The following MAP6 variants were observed in gnomAD, a reference collection of about 807,000 sequenced individuals.
MAP6 encodes the protein microtubule associated protein 6.
In MAP6, 26 loss-of-function variants were observed where a neutral mutation model predicts 42.4. The observed-to-expected ratio is 0.61, with a 90% CI of 0.45 to 0.85. MAP6 has a LOEUF of 0.85. Ranked by LOEUF, MAP6 falls within the 40% of genes least tolerant of loss-of-function variation. MAP6 has a pLI of 0.00. For synonymous variants in MAP6, 418 were observed against 443.8 expected, an observed-to-expected ratio of 0.94 and a Z score of 0.73; for missense variants, 966 against 1,099.0, an observed-to-expected ratio of 0.88 and a Z score of 1.71.
intron 1 of MAP6, among the ~76,000 whole-genome samples, chr11:75,666,033 T>A (rs992299881): frequency 6.6e-6 from 1 of 152,180 alleles, no homozygotes. Flanking sequence ...GAGAAGGATA[T>A]TAGTCTAACC....
chr11:75,655,165 T>G (rs76611405), intron 1 of MAP6, among the ~76,000 whole-genome samples: 2,256 of 152,360 alleles, frequency 0.015, 67 homozygotes, highest in East Asian at 0.13. Flanking sequence ...GCTCTTAAGA[T>G]GTTACATTGA....
intron 1 of MAP6, among the ~76,000 whole-genome samples, chr11:75,609,185 T>C (rs1942839931): frequency 6.6e-6 from 1 of 152,226 alleles, no homozygotes; most frequent in Non-Finnish European, 1.5e-5. Context: ...GGAGAGTAGA[T>C]GGCTGACAAT....
chr11:75,607,616 C>T, intron 2 of MAP6: 3 of 985,146 alleles, frequency 3.0e-6, no homozygotes, highest in Non-Finnish European at 3.6e-6. Context: ...TGGTGTTTAG[C>T]CCGAGAAGAT....
rs1943999677 is a variant in MAP6 at position 75,668,221 on chromosome 11, T to TGCG, written c.146_148dup (p.Pro49dup). ...CGCGAGCGCCGGCTGCGCCTGCTGC[T>TGCG]GCGGCGGCGGTGGCTGCGGCGGGGC... On this transcript the variant is annotated inframe_insertion, in exon 1 of 4. Transcript: ENST00000304771. 1.5e-6 allele frequency: 2 copies of TGCG among 1,373,654 alleles called. No homozygotes were observed. The highest frequency in any genetic ancestry group is 5.8e-5 in the East Asian group (2 of 34,520). The allele number at this position is 1,373,654 out of a possible 1,614,324, so 85.1% of individuals were successfully genotyped here. A position where few individuals can be genotyped will look rare whatever the true frequency, so the allele number is the denominator to read the frequency against.
intron 1 of MAP6, among the ~76,000 whole-genome samples, chr11:75,633,551 C>T (rs1943317820): frequency 6.6e-6 from 1 of 152,120 alleles, no homozygotes; most frequent in Non-Finnish European, 1.5e-5. Flanking sequence ...GGACCATAAG[C>T]CAATAAGCTG....
chr11:75,613,869 G>A (rs1342429679), intron 1 of MAP6, among the ~76,000 whole-genome samples: 2 of 152,222 alleles, frequency 1.3e-5, no homozygotes, highest in Non-Finnish European at 2.9e-5. Flanking sequence ...GGCCCAGTTT[G>A]AGCCATCTCA....
At chr11:75,611,682 C>T (rs1312642442) in intron 1 of MAP6, among the ~76,000 whole-genome samples, 1 of 152,198 alleles carries the variant, frequency 6.6e-6, no homozygotes, top group African/African-American at 2.4e-5. Flanking sequence ...AAAACCTTCT[C>T]TAATCACATA....
At chr11:75,636,757 TC>T (rs1458003026) in intron 1 of MAP6, among the ~76,000 whole-genome samples, 1 of 152,062 alleles carries the variant, frequency 6.6e-6, no homozygotes, top group East Asian at 1.9e-4. Context: ...AATTAGCCAA[TC>T]CTAAGCCCAC....
chr11:75,626,969 G>A (rs944272168), intron 1 of MAP6, among the ~76,000 whole-genome samples: 2 of 152,340 alleles, frequency 1.3e-5, no homozygotes, highest in African/African-American at 2.4e-5. Flanking sequence ...GGCAGGAGGC[G>A]ATGAGTGAAA....
intron 1 of MAP6, among the ~76,000 whole-genome samples, chr11:75,628,227 G>A (rs1226913526): frequency 1.3e-5 from 2 of 152,192 alleles, no homozygotes; most frequent in African/African-American, 4.8e-5. Flanking sequence ...CAGCTGAAGT[G>A]GCAAACAGAT....
intron 3 of MAP6, chr11:75,603,952 G>T: frequency 2.0e-6 from 2 of 985,730 alleles, no homozygotes; most frequent in Non-Finnish European, 2.4e-6. Context: ...ATACAATTAA[G>T]ATCATGTTGC....
chr11:75,651,788 C>T (rs7482924), intron 1 of MAP6, among the ~76,000 whole-genome samples: 2 of 152,198 alleles, frequency 1.3e-5, no homozygotes, highest in African/African-American at 4.8e-5. Context: ...TAATAAGGCA[C>T]AGCCGAACCA....
At position 75,627,170 on chromosome 11, in the gene MAP6, T is replaced by C. The variant is rs995710632; in HGVS notation, c.906-18848A>G. On this transcript the variant is annotated intron_variant, in intron 1 of 3. Transcript: ENST00000304771. ...AAAATCATCTTCATGCTTGTAATCA[T>C]TCAACACAGACACTCCGCACCTGAC... Among the ~76,000 whole-genome samples, 2 of 152,254 alleles carry C rather than the reference T, an allele frequency of 1.3e-5. 1 individual carries two copies. Among genetic ancestry groups the C allele is most frequent in the African/African-American group, 4.8e-5 (2 of 41,466 alleles).
Position 75,586,957 on chromosome 11 carries a change from T to C in MAP6, c.*102A>G. ...CATTTTTATTAGATTCCAGCAAGAC[T>C]ACTGTACATGTTTCATGCAGATTAA... is the stretch of plus-strand genomic sequence containing the variant. On this transcript the variant is annotated 3_prime_UTR_variant, in exon 4 of 4. Transcript: ENST00000304771. 2 of 1,249,596 alleles carry C rather than the reference T, an allele frequency of 1.6e-6. No individual in the cohort carries two copies. Among genetic ancestry groups the C allele is most frequent in the Non-Finnish European group, 2.2e-6 (2 of 897,870 alleles). The allele number at this position is 1,249,596 out of a possible 1,614,324, so 77.4% of individuals were successfully genotyped here. A position where few individuals can be genotyped will look rare whatever the true frequency, so the allele number is the denominator to read the frequency against.
intron 3 of MAP6, chr11:75,603,544 G>A (rs1942703355): frequency 3.1e-6 from 3 of 976,204 alleles, no homozygotes; most frequent in Non-Finnish European, 3.6e-6. Flanking sequence ...CATGCTACAG[G>A]TCCTCTAAAG....
chr11:75,657,681 C>G (rs1281791576), intron 1 of MAP6, among the ~76,000 whole-genome samples: 2 of 152,342 alleles, frequency 1.3e-5, no homozygotes, highest in East Asian at 1.9e-4. Flanking sequence ...ATGGGTCTCA[C>G]TGGAAGCTCT....
intron 3 of MAP6, among the ~76,000 whole-genome samples, chr11:75,601,750 C>CA (rs1004028503): frequency 1.3e-5 from 2 of 151,788 alleles, no homozygotes; most frequent in Non-Finnish European, 2.9e-5. Flanking sequence ...CGAGCTCTGT[C>CA]ACTCTCCAGC....
intron 1 of MAP6, among the ~76,000 whole-genome samples, chr11:75,653,322 T>G (rs1447922239): frequency 6.6e-6 from 1 of 152,132 alleles, no homozygotes; most frequent in East Asian, 1.9e-4. Flanking sequence ...TACCAAATCC[T>G]CGGGAGGAGT....
In MAP6 at chr11:75,587,157, G is replaced by T; in HGVS notation, c.2344C>A (p.Gln782Lys). Reference protein sequence around the residue: ...GPAVPEPLKTQGPRDPQLPTV... With the variant: ...GPAVPEPLKTKGPRDPQLPTV... ...GGTAGCTGAGGGTCCCTGGGACCTT[G>T]AGTCTTCAGAGGTTCAGGGACTGCA... The change falls in exon 4 of 4, where the codon CAA becomes AAA. Residue 782 changes from glutamine (Q) to lysine (K), a missense_variant. By Grantham distance (53) the Gln-to-Lys change is moderately conservative. Transcript: ENST00000304771. 6.2e-7 allele frequency: 1 copy of T among 1,614,060 alleles called. No individual in the cohort carries two copies. The highest frequency in any genetic ancestry group is 8.5e-7 in the Non-Finnish European group (1 of 1,179,978).
Sources: allele counts gnomAD v4.1 joint callset (sites outside exome capture counted in the v4.1 genomes callset), GRCh38; gene constraint gnomAD v4.1.1; transcripts MANE v1.5; gene names NCBI Gene and HGNC (gene_info 2026-07-23, HGNC 2026-07-21).